Variants in CNTN5 observed in about 807,000 individuals in gnomAD.
CNTN5 encodes the protein contactin 5.
A neutral mutation model predicts 129.1 loss-of-function variants in CNTN5; 77 were observed. That is an observed-to-expected ratio of 0.60 (90% CI 0.50 to 0.72). The LOEUF (loss-of-function observed/expected upper bound fraction) is 0.72. Ranked by LOEUF, CNTN5 falls within the 30% of genes least tolerant of loss-of-function variation. The pLI is 0.00. For synonymous variants in CNTN5, 509 were observed against 465.6 expected, an observed-to-expected ratio of 1.09 and a Z score of -1.20; for missense variants, 1,478 against 1,328.8, an observed-to-expected ratio of 1.11 and a Z score of -1.75.
At chr11:100,046,206 G>A (rs1263787318) in intron 9 of CNTN5, among the ~76,000 whole-genome samples, 1 of 152,074 alleles carries the variant, frequency 6.6e-6, no homozygotes, top group Non-Finnish European at 1.5e-5. Context: ...GTTAATGGGT[G>A]CATCAAACAC....
chr11:100,254,137 T>G (rs947618008), intron 16 of CNTN5, among the ~76,000 whole-genome samples: 1 of 152,194 alleles, frequency 6.6e-6, no homozygotes, highest in Non-Finnish European at 1.5e-5. Context: ...CTATCTTTAC[T>G]GAATTGGTCA....
intron 6 of CNTN5, among the ~76,000 whole-genome samples, chr11:99,881,146 C>T (rs1220276463): frequency 6.6e-6 from 1 of 152,162 alleles, no homozygotes; most frequent in Non-Finnish European, 1.5e-5. Flanking sequence ...TGGATTGGTA[C>T]AGGTATGATG....
chr11:100,304,609 A>C (rs748704410), intron 20 of CNTN5, among the ~76,000 whole-genome samples: 1 of 151,598 alleles, frequency 6.6e-6, no homozygotes, highest in Non-Finnish European at 1.5e-5. Context: ...CCCAACACAA[A>C]CATTCTTGAG....
At chr11:100,186,804 G>A (rs11223142) in intron 13 of CNTN5, among the ~76,000 whole-genome samples, 29,457 of 152,062 alleles carry the variant, frequency 0.19, 3,938 homozygotes, top group East Asian at 0.54. Flanking sequence ...AATAGCAGAG[G>A]AATGAAGACA....
rs148293679 is a variant in CNTN5 at position 100,201,861 on chromosome 11, CA to C, written c.1884+8199del. On this transcript the variant is annotated intron_variant, in intron 15 of 24. Transcript: ENST00000524871. ...AGTGTTCCGCTCTGGGAATTGCCTT[CA>C]GTCAAAGAGAGTTATCTGGTTCAAG... Among the ~76,000 whole-genome samples, 139 of 152,012 alleles carry C rather than the reference CA, an allele frequency of 9.1e-4. 2 individuals are homozygous for C. The East Asian group carries it at 0.026, about 29-fold the overall frequency.
At chr11:99,353,481 A>G (rs1938438500) in intron 2 of CNTN5, among the ~76,000 whole-genome samples, 1 of 152,132 alleles carries the variant, frequency 6.6e-6, no homozygotes, top group South Asian at 2.1e-4. Context: ...CATATGTTTC[A>G]CTGTACCCTG....
chr11:100,307,552 A>G (rs985768137), intron 20 of CNTN5, among the ~76,000 whole-genome samples: 8 of 151,636 alleles, frequency 5.3e-5, no homozygotes, highest in African/African-American at 1.2e-4. Context: ...CACTGAATGT[A>G]GAAACAAATG....
At chr11:100,191,422 C>A (rs574069305) in intron 14 of CNTN5, among the ~76,000 whole-genome samples, 169 bp downstream of exon 14, 1 of 152,174 alleles carries the variant, frequency 6.6e-6, no homozygotes, top group South Asian at 2.1e-4. Context: ...TACTTTCCAC[C>A]ATTTAGGGTA....
intron 8 of CNTN5, among the ~76,000 whole-genome samples, chr11:99,964,895 G>A (rs1411936169): frequency 2.0e-5 from 3 of 152,164 alleles, no homozygotes; most frequent in African/African-American, 7.2e-5. Flanking sequence ...TTGGGAGGGT[G>A]TATGTGTTGA....
chr11:100,088,033 G>T (rs1354823587), intron 13 of CNTN5, among the ~76,000 whole-genome samples: 1 of 136,476 alleles, frequency 7.3e-6, no homozygotes, highest in Non-Finnish European at 1.6e-5. Context: ...TAAAATTAAG[G>T]CAGAAATAAA....
In CNTN5 at chr11:100,067,609, A is replaced by G. The variant is rs540253190; in HGVS notation, c.1163-2815A>G. ...GTTCAAAGCAACAAAATATGAAATGACATCTGTCTTTTATCTGCCAATAAT... is the reference window on the plus strand; with the variant it reads ...GTTCAAAGCAACAAAATATGAAATGGCATCTGTCTTTTATCTGCCAATAAT... On this transcript the variant is annotated intron_variant, in intron 10 of 24. Transcript: ENST00000524871. Among the ~76,000 whole-genome samples the G allele has an allele frequency of 2.6e-5, 4 of 152,118 alleles. No homozygotes were observed. In the East Asian group the frequency reaches 7.7e-4, roughly 29 times the overall value.
intron 17 of CNTN5, among the ~76,000 whole-genome samples, chr11:100,262,809 G>C (rs1464928442): frequency 6.6e-6 from 1 of 152,054 alleles, no homozygotes; most frequent in Admixed American, 6.6e-5. Context: ...TCCTAGGGGA[G>C]GAATAGCATT....
chr11:99,660,113 A>G lies in CNTN5; in HGVS notation c.55+103844A>G, dbSNP rs553518305. ...TTCACCCATAATATATTATATAGCTATATATAAAACCTGAATCTATAAAGT... is the reference window on the plus strand; with the variant it reads ...TTCACCCATAATATATTATATAGCTGTATATAAAACCTGAATCTATAAAGT... On this transcript the variant is annotated intron_variant, in intron 3 of 24. Transcript: ENST00000524871. Among the ~76,000 whole-genome samples, 847 of 152,230 alleles carry G rather than the reference A, an allele frequency of 5.6e-3. 6 individuals are homozygous for G. The highest frequency in any genetic ancestry group is 0.019 in the African/African-American group (802 of 41,558).
intron 9 of CNTN5, among the ~76,000 whole-genome samples, chr11:100,014,588 AT>A (rs909472590): frequency 1.8e-4 from 27 of 152,242 alleles, no homozygotes; most frequent in Non-Finnish European, 3.1e-4. Context: ...TCAAAAAAAA[AT>A]AATAATAAAT....
intron 3 of CNTN5, among the ~76,000 whole-genome samples, chr11:99,642,629 C>G (rs539281365): frequency 6.6e-6 from 1 of 152,280 alleles, no homozygotes; most frequent in East Asian, 1.9e-4. Context: ...TCAAAGTCTG[C>G]TAGCTATTTT....
At chr11:99,359,428 A>C (rs924713171) in intron 2 of CNTN5, among the ~76,000 whole-genome samples, 14 of 152,138 alleles carry the variant, frequency 9.2e-5, no homozygotes, top group Non-Finnish European at 7.4e-5. Context: ...GTTTCAATAT[A>C]TTAATTTTAG....
At chr11:99,452,374 T>G (rs887759876) in intron 2 of CNTN5, among the ~76,000 whole-genome samples, 3 of 96,928 alleles carry the variant, frequency 3.1e-5, no homozygotes, top group Admixed American at 1.2e-4. Flanking sequence ...ACACAGGTGT[T>G]TTTTTTTTTT....
intron 2 of CNTN5, among the ~76,000 whole-genome samples, chr11:99,527,738 G>A (rs1290947179): frequency 6.6e-6 from 1 of 152,200 alleles, no homozygotes; most frequent in African/African-American, 2.4e-5. Flanking sequence ...CTAACAGAAT[G>A]ACAGTACAAC....
intron 3 of CNTN5, among the ~76,000 whole-genome samples, chr11:99,776,356 C>T (rs903090544): frequency 3.3e-5 from 5 of 151,666 alleles, no homozygotes; most frequent in Non-Finnish European, 5.9e-5. Context: ...TTAAAGAAAT[C>T]GATTTCAAAA....
Sources: gnomAD v4.1 joint callset for allele counts (sites outside exome capture counted in the v4.1 genomes callset) on GRCh38, gnomAD v4.1.1 for gene constraint, MANE v1.5 for transcripts, NCBI Gene and HGNC (gene_info 2026-07-23, HGNC 2026-07-21) for gene names.